Variants in LRP1B observed in about 807,000 individuals in gnomAD.
The protein encoded by LRP1B is LDL receptor related protein 1B, also known as low-density lipoprotein receptor-related protein 1B.
A neutral mutation model predicts 556.6 loss-of-function variants in LRP1B; 217 were observed. The ratio of observed to expected loss-of-function variants is 0.39; its 90% CI spans 0.35 to 0.44. The LOEUF (loss-of-function observed/expected upper bound fraction) is 0.44, where lower values mean the gene tolerates loss of function less well. Ranked by LOEUF, LRP1B falls within the 20% of genes least tolerant of loss-of-function variation. The pLI is 1.00. For missense variants in LRP1B, 5,053 were observed against 5,620.8 expected, an observed-to-expected ratio of 0.90 and a Z score of 3.23; for synonymous variants, 2,047 against 1,865.8, an observed-to-expected ratio of 1.10 and a Z score of -2.50.
At chr2:141,964,277 G>T (rs1701491963) in intron 1 of LRP1B, among the ~76,000 whole-genome samples, 1 of 150,564 alleles carries the variant, frequency 6.6e-6, no homozygotes, top group Admixed American at 6.6e-5. Context: ...AAAAGAGCCT[G>T]CATCGCCAAG....
rs368664970 is a variant in LRP1B at position 141,418,480 on chromosome 2, G to C, written c.343+61916C>G. Among the ~76,000 whole-genome samples the C allele has an allele frequency of 4.6e-4, 60 of 131,006 alleles. 1 individual carries two copies. Among genetic ancestry groups the C allele is most frequent in the Admixed American group, 1.4e-3 (17 of 12,298 alleles). 85.9% of individuals were successfully genotyped at this position (131,006 alleles called of 152,430 possible). ...GATACCCAGTTACTCAACATCATTTGTTGAAGAGGCTACCCTTTCCTCATT... is the reference window on the plus strand; with the variant it reads ...GATACCCAGTTACTCAACATCATTTCTTGAAGAGGCTACCCTTTCCTCATT... On this transcript the variant is annotated intron_variant, in intron 3 of 90. Coordinates refer to ENST00000389484, the MANE Select transcript of LRP1B (RefSeq NM_018557.3).
At chr2:142,024,131 T>A (rs1336626598) in intron 1 of LRP1B, among the ~76,000 whole-genome samples, 1 of 152,202 alleles carries the variant, frequency 6.6e-6, no homozygotes, top group Non-Finnish European at 1.5e-5. Flanking sequence ...GTTTGCCTAC[T>A]AGGCAAGGCA....
chr2:140,364,737 G>T lies in LRP1B; in HGVS notation c.11055C>A (p.Leu3685=), dbSNP rs1263562777. The part of the protein sequence containing the change: ...RADEFLCNNS[L]CKLHFWVCDG... ...CACACACCCAGAAATGTAGTTTGCA[G>T]AGAGAATTATTGCAAAGGAACTCAT... Residue 3685 remains leucine (L), a synonymous_variant, in exon 72 of 91, where the codon CTC becomes CTA. Coordinates refer to ENST00000389484, the MANE Select transcript of LRP1B (RefSeq NM_018557.3). 6.2e-7 allele frequency: 1 copy of T among 1,610,042 alleles called. No homozygotes were observed.
intron 20 of LRP1B, among the ~76,000 whole-genome samples, chr2:140,933,566 A>G (rs553509733): frequency 6.6e-6 from 1 of 152,238 alleles, no homozygotes; most frequent in South Asian, 2.1e-4. Flanking sequence ...GCAGGACAAC[A>G]GGGTGAGGTT....
At chr2:141,044,750 C>T (rs375168900) in intron 11 of LRP1B, among the ~76,000 whole-genome samples, 2,711 of 147,462 alleles carry the variant, frequency 0.018, 129 homozygotes, top group East Asian at 0.18. Flanking sequence ...GAATGGCAAT[C>T]ATTAAAAAGT....
At chr2:141,651,731 CA>C (rs1214555040) in intron 2 of LRP1B, among the ~76,000 whole-genome samples, 1 of 152,144 alleles carries the variant, frequency 6.6e-6, no homozygotes, top group Non-Finnish European at 1.5e-5. Context: ...ATCTGAAATT[CA>C]AATCTAACTG....
chr2:140,418,926 C>A (rs1010539303), intron 66 of LRP1B, among the ~76,000 whole-genome samples: 1 of 146,834 alleles, frequency 6.8e-6, no homozygotes. Context: ...TGTAAGGAAC[C>A]ACCATTCTTA....
intron 1 of LRP1B, among the ~76,000 whole-genome samples, chr2:141,979,422 G>A (rs1701981984): frequency 6.6e-6 from 1 of 152,038 alleles, no homozygotes; most frequent in African/African-American, 2.4e-5. Context: ...ACATGTATTT[G>A]TCATCATTTT....
chr2:141,218,633 AG>A (rs1237273759), intron 6 of LRP1B, among the ~76,000 whole-genome samples: 1 of 152,198 alleles, frequency 6.6e-6, no homozygotes, highest in Non-Finnish European at 1.5e-5. Context: ...AAAGAAGGGA[AG>A]GGGTAAAGGG....
At chr2:141,257,904 A>AAT (rs1298384420) in intron 3 of LRP1B, among the ~76,000 whole-genome samples, 1 of 112,294 alleles carries the variant, frequency 8.9e-6, no homozygotes, top group African/African-American at 3.4e-5. Flanking sequence ...GCAATGCTAT[A>AAT]ATGACTATAA....
Position 140,890,383 on chromosome 2 carries a change from C to G in LRP1B, c.3767-4048G>C, listed in dbSNP as rs149128137. ...TTGAATACATTATTCCCACTATTTT[C>G]AAACATGTTTGAGTTTATAAAATGA... is the stretch of plus-strand genomic sequence containing the variant. On this transcript the variant is annotated intron_variant, in intron 23 of 90. Coordinates refer to ENST00000389484, the MANE Select transcript of LRP1B (RefSeq NM_018557.3). 5.9e-3 allele frequency among the ~76,000 whole-genome samples: 897 copies of G among 152,208 alleles called. 7 individuals are homozygous for G. Among genetic ancestry groups the G allele is most frequent in the African/African-American group, 0.021 (866 of 41,552 alleles).
chr2:141,685,435 T>C (rs1691260553), intron 2 of LRP1B, among the ~76,000 whole-genome samples: 1 of 152,072 alleles, frequency 6.6e-6, no homozygotes, highest in African/African-American at 2.4e-5. Context: ...TGTGGATAGA[T>C]GTAAATCCTT....
At chr2:140,627,883 G>C (rs519731) in intron 41 of LRP1B, among the ~76,000 whole-genome samples, 1 of 152,052 alleles carries the variant, frequency 6.6e-6, no homozygotes, top group Non-Finnish European at 1.5e-5. Context: ...ATGGCAAAAG[G>C]ATAGAACGAA....
At chr2:140,845,753 T>A (rs1692256278) in intron 29 of LRP1B, among the ~76,000 whole-genome samples, 1 of 152,096 alleles carries the variant, frequency 6.6e-6, no homozygotes, top group Admixed American at 6.5e-5. Flanking sequence ...TATAAAAAAG[T>A]AATTTTTGAA....
intron 2 of LRP1B, among the ~76,000 whole-genome samples, chr2:141,492,091 A>AAAAAAAAAAAAAAAACC (rs67960557): frequency 1.0e-5 from 1 of 100,194 alleles, no homozygotes; most frequent in Non-Finnish European, 1.9e-5. Flanking sequence ...AAAAAAAAAA[A>AAAAAAAAAAAAAAAACC]CACTAAGAAA....
intron 35 of LRP1B, among the ~76,000 whole-genome samples, chr2:140,728,543 T>C (rs921567660): frequency 1.6e-4 from 24 of 152,200 alleles, no homozygotes; most frequent in African/African-American, 5.3e-4. Flanking sequence ...CATTTCACTT[T>C]TATTTTTCAG....
At chr2:141,703,386 T>C (rs1692020316) in intron 2 of LRP1B, among the ~76,000 whole-genome samples, 1 of 151,928 alleles carries the variant, frequency 6.6e-6, no homozygotes, top group Non-Finnish European at 1.5e-5. Flanking sequence ...ATGGTTAATC[T>C]ATGGCTCATG....
rs1680538699 is a variant in LRP1B at position 140,233,092 on chromosome 2, A to C, written c.*94T>G. The C allele has an allele frequency of 2.6e-6, 2 of 778,392 alleles. No homozygotes were observed. The highest frequency in any genetic ancestry group is 3.7e-6 in the Non-Finnish European group (2 of 539,232). The allele number at this position is 778,392 out of a possible 1,614,324, so 48.2% of individuals were successfully genotyped here. On this transcript the variant is annotated 3_prime_UTR_variant, in exon 91 of 91. Transcript: ENST00000389484. The stretch of plus-strand genomic sequence containing the variant: ...CAGGAAAAAGATAAAGAAAGAGGTA[A>C]TGCTGATGCCAAAACAAGTATAATA...
intron 6 of LRP1B, among the ~76,000 whole-genome samples, chr2:141,210,472 T>C (rs1682494140): frequency 6.6e-6 from 1 of 152,192 alleles, no homozygotes; most frequent in Non-Finnish European, 1.5e-5. Flanking sequence ...AAATCTATTA[T>C]CAGAAACATC....
Sources: allele counts gnomAD v4.1 joint callset (sites outside exome capture counted in the v4.1 genomes callset), GRCh38; gene constraint gnomAD v4.1.1; transcripts MANE v1.5; gene names NCBI Gene and HGNC (gene_info 2026-07-23, HGNC 2026-07-21).